Variants in BCAS3 observed in about 807,000 individuals in gnomAD.
BCAS3 encodes the protein BCAS3 microtubule associated cell migration factor.
BCAS3 carries 53 observed loss-of-function variants against 116.1 expected under a neutral mutation model. The observed-to-expected ratio is 0.46, with a 90% CI of 0.37 to 0.57. The LOEUF is 0.57. Among genes scored for constraint, BCAS3 ranks in the 20% least tolerant of loss-of-function variants. BCAS3 has a pLI of 0.00. For synonymous variants in BCAS3, 391 were observed against 408.2 expected (o/e 0.96, Z 0.51); for missense variants, 917 against 1,165.4 (o/e 0.79, Z 3.10).
rs149304310 is a variant in BCAS3, at chr17:61,337,023, G to C, written c.2426-31304G>C. Among the ~76,000 whole-genome samples, 1,274 of 152,134 alleles carry C rather than the reference G, an allele frequency of 8.4e-3. 7 individuals carry two copies. Among genetic ancestry groups the C allele is most frequent in the Non-Finnish European group, 0.01 (696 of 68,008 alleles). On this transcript the variant is annotated intron_variant, in intron 22 of 23. Coordinates refer to ENST00000407086, the MANE Select transcript of BCAS3 (RefSeq NM_017679.5). The surrounding 1 kb of genome is among the most constrained non-coding windows in gnomAD (Gnocchi z 4.8). ...AGCTACTCAGGAGGCTGAGGCAGGA[G>C]AATCACTTGAACCTGGGAGGTGGAG...
chr17:61,257,443 A>AAAT (rs2048877101), intron 22 of BCAS3, among the ~76,000 whole-genome samples: 2 of 150,768 alleles, frequency 1.3e-5, no homozygotes, highest in African/African-American at 4.9e-5. Context: ...AAAAAAAAAA[A>AAAT]GGCAGAATTC....
In BCAS3 at chr17:61,104,909, C is replaced by T. The variant is rs2074546118; in HGVS notation, c.2425+20345C>T. ...ATTTCCTGGTAGAAGTAAGTAGTGT[C>T]TTTTGCTAGTGTACCAGGTTGTTTA... On this transcript the variant is annotated intron_variant, in intron 22 of 23. Transcript: ENST00000407086. The surrounding 1 kb of genome is among the most constrained non-coding windows in gnomAD (Gnocchi z 4.1). Among the ~76,000 whole-genome samples the T allele has an allele frequency of 6.6e-6, 1 of 152,144 alleles. No homozygotes were observed. Among genetic ancestry groups the T allele is most frequent in the African/African-American group, 2.4e-5 (1 of 41,446 alleles).
chr17:60,786,571 A>AT (rs34629256), intron 6 of BCAS3, among the ~76,000 whole-genome samples: 1 of 149,574 alleles, frequency 6.7e-6, no homozygotes, highest in African/African-American at 2.5e-5. Context: ...ATATATATAT[A>AT]AAATGTGTCA....
chr17:61,201,618 G>C (rs2080820042), intron 22 of BCAS3, among the ~76,000 whole-genome samples: 1 of 152,184 alleles, frequency 6.6e-6, no homozygotes, highest in Non-Finnish European at 1.5e-5. Context: ...GTTTGCTCAG[G>C]TTGTGGTTAA....
In BCAS3 at chr17:61,282,050, C is replaced by A. The variant is rs2144669728; in HGVS notation, c.2426-86277C>A. 6.6e-6 allele frequency among the ~76,000 whole-genome samples: 1 copy of A among 152,294 alleles called. No homozygotes were observed. The highest frequency in any genetic ancestry group is 6.5e-5 in the Admixed American group (1 of 15,284). On this transcript the variant is annotated intron_variant, in intron 22 of 23. Coordinates refer to ENST00000407086, the MANE Select transcript of BCAS3 (RefSeq NM_017679.5). This position sits in a 1 kb window ranked among gnomAD's most constrained non-coding sequence, Gnocchi z 5.9. Reference sequence around the variant, plus strand: ...CATTGACAACTAACTATAACACATTCAAACTAGTTACTAGGTACCTGCCTC... The same window carrying A: ...CATTGACAACTAACTATAACACATTAAAACTAGTTACTAGGTACCTGCCTC...
intron 19 of BCAS3, among the ~76,000 whole-genome samples, chr17:61,045,267 G>A (rs933919397): frequency 2.6e-5 from 4 of 151,042 alleles, no homozygotes; most frequent in Non-Finnish European, 4.4e-5. Context: ...CTGGTACTTT[G>A]GAAGGCCAAG....
intron 8 of BCAS3, among the ~76,000 whole-genome samples, chr17:60,873,170 T>A (rs557922435): frequency 6.6e-6 from 1 of 152,118 alleles, no homozygotes; most frequent in South Asian, 2.1e-4. Context: ...GTATTCAGAG[T>A]ACACATACAC....
rs77386175 is a variant in BCAS3 at position 60,847,043 on chromosome 17, G to T, written c.477-21533G>T. 3.6e-3 allele frequency among the ~76,000 whole-genome samples: 542 copies of T among 152,126 alleles called. 12 individuals carry two copies. In the East Asian group the frequency reaches 0.075, roughly 21 times the overall value. On this transcript the variant is annotated intron_variant, in intron 7 of 23. Coordinates refer to ENST00000407086, the MANE Select transcript of BCAS3 (RefSeq NM_017679.5). ...CTGTCTCTGTGGATTGACCTGTTCT[G>T]GGTATTTCATATAACTGGATTCACA...
Position 61,088,420 on chromosome 17 carries a change from A to G in BCAS3, c.2425+3856A>G, listed in dbSNP as rs986987527. On this transcript the variant is annotated intron_variant, in intron 22 of 23. Transcript: ENST00000407086. The surrounding 1 kb of genome is among the most constrained non-coding windows in gnomAD (Gnocchi z 4.2). ...TCGATGAATCATTGATAGTATTTCTAGCCAAAGCACTGCATCAATTTATTC... is the reference window on the plus strand; with the variant it reads ...TCGATGAATCATTGATAGTATTTCTGGCCAAAGCACTGCATCAATTTATTC... Among the ~76,000 whole-genome samples, 1 of 152,248 alleles carries G rather than the reference A, an allele frequency of 6.6e-6. No homozygotes were observed. Among genetic ancestry groups the G allele is most frequent in the African/African-American group, 2.4e-5 (1 of 41,468 alleles).
Position 60,679,602 on chromosome 17 carries a change from A to G in BCAS3, c.83+62A>G, listed in dbSNP as rs997333231. The G allele has an allele frequency of 2.9e-6, 4 of 1,359,082 alleles. No homozygotes were observed. The African/African-American group carries it at 4.3e-5, about 15-fold the overall frequency. The allele number at this position is 1,359,082 out of a possible 1,614,324, so 84.2% of individuals were successfully genotyped here. On this transcript the variant is annotated intron_variant, in intron 2 of 23. Transcript: ENST00000407086. ...AAGATTACTCAGAATACTAACATTTAGGTTTTCTTTATGAACAGTGGTTAC... is the reference window on the plus strand; with the variant it reads ...AAGATTACTCAGAATACTAACATTTGGGTTTTCTTTATGAACAGTGGTTAC...
At chr17:61,275,818 G>A (rs1032755878) in intron 22 of BCAS3, among the ~76,000 whole-genome samples, 30 of 152,298 alleles carry the variant, frequency 2.0e-4, no homozygotes, top group African/African-American at 6.5e-4. Flanking sequence ...AACCTTCAGA[G>A]CGTAATGATT....
chr17:60,689,857 C>A, intron 4 of BCAS3, 96 bp downstream of exon 4: 1 of 798,900 alleles, frequency 1.3e-6, no homozygotes, highest in Non-Finnish European at 2.0e-6. Flanking sequence ...AGATTACTTT[C>A]TCTTATAGTA....
Position 60,889,723 on chromosome 17 carries a change from G to A in BCAS3, c.690G>A (p.Met230Ile). 6.2e-7 allele frequency: 1 copy of A among 1,613,380 alleles called. No homozygotes were observed. The highest frequency in any genetic ancestry group is 1.1e-5 in the South Asian group (1 of 91,044). The change falls in exon 10 of 24, where the codon ATG (methionine) becomes ATA (isoleucine). Residue 230 changes from methionine to isoleucine, a missense_variant. By Grantham distance (10) the Met-to-Ile change is conservative. Transcript: ENST00000407086. ...TSCYPCPGPN[M>I]NPIALGSRWL... Reference sequence around the variant, plus strand: ...GCTATCCATGTCCAGGGCCAAACATGAATCCTATTGCTCTTGGGAGCCGCT... The same window carrying A: ...GCTATCCATGTCCAGGGCCAAACATAAATCCTATTGCTCTTGGGAGCCGCT...
chr17:60,864,350 G>A (rs2054411224), intron 7 of BCAS3, among the ~76,000 whole-genome samples: 1 of 152,194 alleles, frequency 6.6e-6, no homozygotes, highest in African/African-American at 2.4e-5. Context: ...AGCTGGGTTA[G>A]ACCTAAGAAG....
At chr17:60,979,159 T>A (rs887626810) in intron 14 of BCAS3, among the ~76,000 whole-genome samples, 57 of 151,550 alleles carry the variant, frequency 3.8e-4, no homozygotes, top group Admixed American at 7.9e-4. Flanking sequence ...TCCATTTGTT[T>A]GTATCCTCTT....
At chr17:60,835,584 C>T (rs2051299828) in intron 7 of BCAS3, among the ~76,000 whole-genome samples, 1 of 151,964 alleles carries the variant, frequency 6.6e-6, no homozygotes, top group South Asian at 2.1e-4. Context: ...TTAAAGTGTT[C>T]CTTTTTTAAA....
rs2077530524 is a variant in BCAS3, at chr17:61,151,372, C to G, written c.2425+66808C>G. Among the ~76,000 whole-genome samples the G allele has an allele frequency of 1.3e-5, 2 of 151,584 alleles. No individual in the cohort carries two copies. The highest frequency in any genetic ancestry group is 4.9e-5 in the African/African-American group (2 of 40,986). On this transcript the variant is annotated intron_variant, in intron 22 of 23. Transcript: ENST00000407086. The surrounding 1 kb of genome is among the most constrained non-coding windows in gnomAD (Gnocchi z 4.8). The stretch of plus-strand genomic sequence containing the variant: ...GGATAATCAACCTATACCACTACCT[C>G]CTCCTCCTGTTTTTTCCTACTTTTT...
intron 6 of BCAS3, among the ~76,000 whole-genome samples, chr17:60,776,063 T>C (rs962091755): frequency 2.0e-5 from 3 of 152,170 alleles, no homozygotes; most frequent in African/African-American, 7.2e-5. Flanking sequence ...AAGCAAAGTT[T>C]TGAGTGAAGA....
chr17:60,764,006 G>T (rs944399352), intron 6 of BCAS3, among the ~76,000 whole-genome samples: 3 of 152,176 alleles, frequency 2.0e-5, no homozygotes, highest in African/African-American at 7.2e-5. Context: ...AGTATTCTCT[G>T]ATGGTAGTTT....
Sources: allele counts gnomAD v4.1 joint callset (sites outside exome capture counted in the v4.1 genomes callset), GRCh38; gene constraint gnomAD v4.1.1; non-coding constraint Gnocchi (gnomAD v3.1); transcripts MANE v1.5; gene names NCBI Gene and HGNC (gene_info 2026-07-23, HGNC 2026-07-21).